TYW1: variants seen among roughly 807,000 people sequenced by gnomAD.
TYW1 encodes the protein S-adenosyl-L-methionine-dependent tRNA 4-demethylwyosine synthase TYW1.
TYW1 carries 46 observed loss-of-function variants against 96.2 expected under a neutral mutation model. The observed-to-expected ratio is 0.48, with a 90% confidence interval of 0.38 to 0.61. The LOEUF (loss-of-function observed/expected upper bound fraction) is 0.61, where lower values mean the gene tolerates loss of function less well. Ranked by LOEUF, TYW1 falls within the 20% of genes least tolerant of loss-of-function variation. The pLI is 0.00. For synonymous variants in TYW1, 274 were observed against 323.0 expected (o/e 0.85, Z 1.63); for missense variants, 684 against 909.6 (o/e 0.75, Z 3.19).
At chr7:67,124,373 C>G (rs569197357) in intron 13 of TYW1, among the ~76,000 whole-genome samples, 152 of 152,064 alleles carry the variant, frequency 1.0e-3, no homozygotes, top group East Asian at 3.5e-3. Flanking sequence ...AATTGGGATA[C>G]AGATGTGCTC....
In TYW1 at chr7:67,180,019, G is replaced by T. The variant is rs942437587; in HGVS notation, c.1699-3107G>T. 3.9e-5 allele frequency among the ~76,000 whole-genome samples: 5 copies of T among 129,836 alleles called. 2 individuals are homozygous for T. Among genetic ancestry groups the T allele is most frequent in the African/African-American group, 1.6e-4 (5 of 31,076 alleles). The allele number at this position is 129,836 out of a possible 152,430, so 85.2% of individuals were successfully genotyped here. A position where few individuals can be genotyped will look rare whatever the true frequency, so the allele number is the denominator to read the frequency against. On this transcript the variant is annotated intron_variant, in intron 13 of 15. Coordinates refer to ENST00000359626, the MANE Select transcript of TYW1 (RefSeq NM_018264.4). ...CTGTTGTATTTTTTGTAGTGATGGG[G>T]TCTCTTTATGTTGCCCAGGCTGGTC...
chr7:67,155,370 TCTC>T (rs1798934113), intron 13 of TYW1, among the ~76,000 whole-genome samples: 1 of 152,028 alleles, frequency 6.6e-6, no homozygotes, highest in South Asian at 2.1e-4. Flanking sequence ...GTGGCACCTT[TCTC>T]CTCCTTCGCT....
chr7:67,185,615 A>G (rs1213795332), intron 14 of TYW1, among the ~76,000 whole-genome samples: 2 of 152,118 alleles, frequency 1.3e-5, no homozygotes, highest in Non-Finnish European at 2.9e-5. Flanking sequence ...AAGGGGACAT[A>G]TTTGGGGAGA....
chr7:67,104,292 CTG>C (rs1391374180), intron 12 of TYW1, among the ~76,000 whole-genome samples: 1 of 152,160 alleles, frequency 6.6e-6, no homozygotes, highest in East Asian at 1.9e-4. Flanking sequence ...GTTCTGCGGG[CTG>C]TACAGGAAGC....
In TYW1 at chr7:67,238,853, T is replaced by C; in HGVS notation, c.*324T>C. 8.9e-7 allele frequency: 1 copy of C among 1,123,970 alleles called. No homozygotes were observed. The highest frequency in any genetic ancestry group is 1.1e-6 in the Non-Finnish European group (1 of 914,206). The allele number at this position is 1,123,970 out of a possible 1,614,324, so 69.6% of individuals were successfully genotyped here. On this transcript the variant is annotated 3_prime_UTR_variant, in exon 16 of 16. Transcript: ENST00000359626. Reference sequence around the variant, plus strand: ...TAACTTGTAAGACCTGCCAGAATGCTAGTCCCGAGAGTGTCAGACAAGGAA... The same window carrying C: ...TAACTTGTAAGACCTGCCAGAATGCCAGTCCCGAGAGTGTCAGACAAGGAA...
At position 67,032,885 on chromosome 7, in the gene TYW1, C is replaced by CTTT. The variant is rs778743156; in HGVS notation, c.984+7890_984+7892dup. Among the ~76,000 whole-genome samples, 59 of 76,256 alleles carry CTTT rather than the reference C, an allele frequency of 7.7e-4. 8 individuals carry two copies. The highest frequency in any genetic ancestry group is 2.4e-3 in the African/African-American group (40 of 16,624). 50.0% of individuals were successfully genotyped at this position (76,256 alleles called of 152,430 possible). A position where few individuals can be genotyped will look rare whatever the true frequency, so the allele number is the denominator to read the frequency against. On this transcript the variant is annotated intron_variant, in intron 7 of 15. Transcript: ENST00000359626. ...ATTTTCCAGCAGCAGAGAAGTATACCTTTTTTTTTTTTTTTTTTTTTTTTT... is the reference window on the plus strand; with the variant it reads ...ATTTTCCAGCAGCAGAGAAGTATACCTTTTTTTTTTTTTTTTTTTTTTTTTTTT...
In TYW1 at chr7:67,014,419, T is replaced by C. The variant is rs1460991091; in HGVS notation, c.428T>C (p.Leu143Pro). 4.3e-6 allele frequency: 7 copies of C among 1,613,904 alleles called. No individual in the cohort carries two copies. Among genetic ancestry groups the C allele is most frequent in the Non-Finnish European group, 5.9e-6 (7 of 1,179,852 alleles). The change falls in exon 5 of 16, where the codon CTA becomes CCA. Residue 143 changes from leucine to proline, a missense_variant. Transcript: ENST00000359626. ...VFLVATYTDG[L>P]PTESAEWFCK... is the part of the protein sequence containing the mutation. ...CTGGTTGCGACATACACTGACGGCC[T>C]ACCAACTGAAAGTGCAGAGTGGTTC...
intron 15 of TYW1, among the ~76,000 whole-genome samples, chr7:67,208,622 G>A (rs1174545437): frequency 6.6e-6 from 1 of 150,778 alleles, no homozygotes; most frequent in Non-Finnish European, 1.5e-5. Flanking sequence ...CCCGTGAGGC[G>A]GAGGTTGCAG....
chr7:67,007,819 G>A (rs1793655534), intron 3 of TYW1, among the ~76,000 whole-genome samples: 1 of 152,008 alleles, frequency 6.6e-6, no homozygotes, highest in Non-Finnish European at 1.5e-5. Context: ...ATTTTTAGTA[G>A]AGATGGGGTT....
At chr7:67,156,799 G>C (rs1458849095) in intron 13 of TYW1, among the ~76,000 whole-genome samples, 1 of 151,590 alleles carries the variant, frequency 6.6e-6, no homozygotes, top group African/African-American at 2.4e-5. Context: ...GGGGCTCCTG[G>C]TGTGAGTGGG....
chr7:67,014,954 T>C (rs1210788108), intron 5 of TYW1, among the ~76,000 whole-genome samples: 1 of 151,216 alleles, frequency 6.6e-6, no homozygotes, highest in Non-Finnish European at 1.5e-5. Flanking sequence ...AGTTGTGAAC[T>C]CCTGGCCTCA....
At position 67,020,765 on chromosome 7, in the gene TYW1, C is replaced by T. The variant is rs548310820; in HGVS notation, c.861+2622C>T. ...TTTGTCAAGGCTGGGCGCGGTGGCT[C>T]ATGCCTATAATCCCAGCACTTTGGG... On this transcript the variant is annotated intron_variant, in intron 6 of 15. Coordinates refer to ENST00000359626, the MANE Select transcript of TYW1 (RefSeq NM_018264.4). Among the ~76,000 whole-genome samples the T allele has an allele frequency of 2.6e-4, 39 of 152,402 alleles. No homozygotes were observed. In the South Asian group the frequency reaches 6.6e-3, roughly 26 times the overall value.
At chr7:67,070,218 T>G (rs1795991861) in intron 10 of TYW1, among the ~76,000 whole-genome samples, 1 of 151,994 alleles carries the variant, frequency 6.6e-6, no homozygotes, top group Non-Finnish European at 1.5e-5. Context: ...ATGGATCTCT[T>G]TGTGTTTGTA....
At chr7:67,094,258 G>C (rs1054878307) in intron 11 of TYW1, among the ~76,000 whole-genome samples, 1 of 152,066 alleles carries the variant, frequency 6.6e-6, no homozygotes, top group Non-Finnish European at 1.5e-5. Context: ...TGGACACTTA[G>C]GTCATGGTTT....
intron 15 of TYW1, among the ~76,000 whole-genome samples, chr7:67,224,706 C>T (rs1801501606): frequency 6.6e-6 from 1 of 152,214 alleles, no homozygotes; most frequent in African/African-American, 2.4e-5. Flanking sequence ...TCTTTCATCA[C>T]CACGAAGAAA....
chr7:67,065,792 C>G (rs373219404), intron 9 of TYW1, among the ~76,000 whole-genome samples: 1 of 152,020 alleles, frequency 6.6e-6, no homozygotes, highest in South Asian at 2.1e-4. Context: ...GGGCGGATCA[C>G]TTGAGGTCAG....
intron 15 of TYW1, among the ~76,000 whole-genome samples, chr7:67,207,626 A>G (rs1009750897): frequency 2.7e-5 from 4 of 150,818 alleles, no homozygotes; most frequent in African/African-American, 9.8e-5. Flanking sequence ...AAAGTAGAAC[A>G]TTGAAAATTC....
chr7:67,162,160 A>G (rs1371708216), intron 13 of TYW1, among the ~76,000 whole-genome samples: 2 of 151,930 alleles, frequency 1.3e-5, no homozygotes, highest in Middle Eastern at 3.2e-3. Flanking sequence ...AAAAAAACAA[A>G]AAAATTGGCC....
chr7:66,997,913 G>A (rs567999233), intron 1 of TYW1, 152 bp from the exon 2 acceptor site: 17 of 1,050,020 alleles, frequency 1.6e-5, no homozygotes, highest in East Asian at 9.1e-5. Flanking sequence ...ACAGGCATGA[G>A]CCATCGTGCC....
Sources: gnomAD v4.1 joint callset for allele counts (sites outside exome capture counted in the v4.1 genomes callset) on GRCh38, gnomAD v4.1.1 for gene constraint, MANE v1.5 for transcripts, NCBI Gene and HGNC (gene_info 2026-07-23, HGNC 2026-07-21) for gene names.